Variants in RNF150 observed in about 807,000 individuals in gnomAD.
RNF150 encodes the protein ring finger protein 150.
RNF150 carries 24 observed loss-of-function variants against 39.3 expected under a neutral mutation model. That is an observed-to-expected ratio of 0.61 (90% CI 0.44 to 0.86). The LOEUF (loss-of-function observed/expected upper bound fraction) is 0.86. Among genes scored for constraint, RNF150 ranks in the 40% least tolerant of loss-of-function variants. The probability of loss-of-function intolerance (pLI) is 0.00; values close to 1 mark genes in which losing one functional copy is unlikely to be tolerated. For synonymous variants in RNF150, 255 were observed against 227.3 expected (o/e 1.12, Z -1.10); for missense variants, 502 against 587.8 (o/e 0.85, Z 1.51).
At chr4:141,063,299 A>G (rs755072948) in intron 1 of RNF150, among the ~76,000 whole-genome samples, 3 of 152,224 alleles carry the variant, frequency 2.0e-5, no homozygotes, top group Non-Finnish European at 4.4e-5. Flanking sequence ...AAATAAACAA[A>G]ATTTCAAAGT....
At chr4:140,930,133 C>A (rs565346402) in intron 4 of RNF150, among the ~76,000 whole-genome samples, 91 of 152,220 alleles carry the variant, frequency 6.0e-4, no homozygotes, top group African/African-American at 2.1e-3. Flanking sequence ...TGCACTCCTG[C>A]CTGGGTGACA....
chr4:140,868,526 A>G lies in RNF150; in HGVS notation c.1199-147T>C, dbSNP rs1210594301. 1.0e-5 allele frequency: 6 copies of G among 589,946 alleles called. No individual in the cohort carries two copies. The East Asian group carries it at 1.7e-4, about 17-fold the overall frequency. The allele number at this position is 589,946 out of a possible 1,614,324, so 36.5% of individuals were successfully genotyped here. On this transcript the variant is annotated intron_variant, in intron 6 of 6. Coordinates refer to ENST00000515673, the MANE Select transcript of RNF150 (RefSeq NM_020724.2). ...GGGTATTCTGTAAAAACTCTAGTTA[A>G]AGCCTCATCTCACATGGGCCAAAAA...
intron 1 of RNF150, among the ~76,000 whole-genome samples, chr4:141,077,398 T>C (rs954624364): frequency 1.3e-5 from 2 of 152,208 alleles, no homozygotes; most frequent in African/African-American, 4.8e-5. Flanking sequence ...AGGCTACATA[T>C]GTGACTGCAA....
At chr4:140,871,691 G>A (rs775944075) in intron 6 of RNF150, among the ~76,000 whole-genome samples, 1 of 152,114 alleles carries the variant, frequency 6.6e-6, no homozygotes, top group Non-Finnish European at 1.5e-5. Context: ...GTTCTATAGA[G>A]ACAGAACTCA....
intron 1 of RNF150, among the ~76,000 whole-genome samples, chr4:141,158,014 C>T (rs1162589143): frequency 6.6e-6 from 1 of 152,142 alleles, no homozygotes; most frequent in Non-Finnish European, 1.5e-5. Context: ...TGGGGAAGGC[C>T]AGGCATGGTG....
At chr4:141,195,146 C>T (rs1381642208) in intron 1 of RNF150, among the ~76,000 whole-genome samples, 1 of 151,272 alleles carries the variant, frequency 6.6e-6, no homozygotes, top group Non-Finnish European at 1.5e-5. Context: ...AAGCATAAAC[C>T]CCTCATAAAA....
intron 1 of RNF150, among the ~76,000 whole-genome samples, chr4:141,124,730 A>C (rs912040884): frequency 6.6e-6 from 1 of 152,220 alleles, no homozygotes; most frequent in Admixed American, 6.5e-5. Flanking sequence ...TGCCCATAAA[A>C]AGCCATTTAT....
At chr4:141,004,194 G>A (rs1006431780) in intron 1 of RNF150, among the ~76,000 whole-genome samples, 1 of 151,650 alleles carries the variant, frequency 6.6e-6, no homozygotes, top group Non-Finnish European at 1.5e-5. Flanking sequence ...TACTTTCATG[G>A]GGGTTTAAAC....
chr4:141,117,255 T>C (rs543716406), intron 1 of RNF150, among the ~76,000 whole-genome samples: 1 of 152,358 alleles, frequency 6.6e-6, no homozygotes, highest in African/African-American at 2.4e-5. Context: ...GAAGTGTTTC[T>C]TGTGCAACAC....
intron 1 of RNF150, among the ~76,000 whole-genome samples, chr4:141,159,269 C>G (rs2111154962): frequency 6.6e-6 from 1 of 152,240 alleles, no homozygotes; most frequent in Middle Eastern, 3.4e-3. Flanking sequence ...TTGAAAGTGG[C>G]TTTGGACAAC....
chr4:140,889,593 G>A (rs1054390921), intron 6 of RNF150, among the ~76,000 whole-genome samples: 1 of 152,150 alleles, frequency 6.6e-6, no homozygotes, highest in Non-Finnish European at 1.5e-5. Flanking sequence ...TGGGCGGAAA[G>A]AGAGATTTTT....
At chr4:141,045,678 G>A (rs1025683426) in intron 1 of RNF150, among the ~76,000 whole-genome samples, 20 of 152,084 alleles carry the variant, frequency 1.3e-4, no homozygotes, top group African/African-American at 4.3e-4. Flanking sequence ...TGAGTAGCTC[G>A]GATTACAGGC....
intron 5 of RNF150, among the ~76,000 whole-genome samples, chr4:140,912,083 G>T (rs1223385996): frequency 2.0e-5 from 3 of 152,184 alleles, no homozygotes; most frequent in African/African-American, 7.2e-5. Context: ...AGCTTCCCTT[G>T]AAGAACATAG....
In RNF150 at chr4:140,921,175, T is replaced by TATA. The variant is rs58434636; in HGVS notation, c.987+4799_987+4801dup. Reference sequence around the variant, plus strand: ...TGCACATGTACCCTAAAACTTAAAGTATAATAATAATAATAATAATAATAA... The same window carrying TATA: ...TGCACATGTACCCTAAAACTTAAAGTATAATAATAATAATAATAATAATAATAA... On this transcript the variant is annotated intron_variant, in intron 5 of 6. Coordinates refer to ENST00000515673, the MANE Select transcript of RNF150 (RefSeq NM_020724.2). 7.7e-3 allele frequency among the ~76,000 whole-genome samples: 1,145 copies of TATA among 148,158 alleles called. 17 individuals are homozygous for TATA. Among genetic ancestry groups the TATA allele is most frequent in the African/African-American group, 0.023 (941 of 40,220 alleles).
intron 4 of RNF150, among the ~76,000 whole-genome samples, chr4:140,932,252 C>T (rs1038196043): frequency 6.6e-6 from 1 of 152,218 alleles, no homozygotes; most frequent in Non-Finnish European, 1.5e-5. Flanking sequence ...ATTTGCAAAA[C>T]TGTCAATAAA....
At chr4:141,158,791 A>G (rs761013990) in intron 1 of RNF150, among the ~76,000 whole-genome samples, 3 of 151,656 alleles carry the variant, frequency 2.0e-5, no homozygotes, top group Non-Finnish European at 4.4e-5. Flanking sequence ...AACTATCAGT[A>G]TTTCCTGTGA....
chr4:141,151,851 G>A (rs1727308334), intron 1 of RNF150, among the ~76,000 whole-genome samples: 1 of 152,086 alleles, frequency 6.6e-6, no homozygotes, highest in South Asian at 2.1e-4. Flanking sequence ...ATTATTCACA[G>A]AAAATTTCTT....
At chr4:140,900,331 C>G (rs1390059684) in intron 6 of RNF150, among the ~76,000 whole-genome samples, 1 of 152,122 alleles carries the variant, frequency 6.6e-6, no homozygotes, top group African/African-American at 2.4e-5. Flanking sequence ...GGAATTGACA[C>G]TAATGGGTTG....
chr4:141,105,907 C>T (rs1482074389), intron 1 of RNF150, among the ~76,000 whole-genome samples: 3 of 152,130 alleles, frequency 2.0e-5, no homozygotes, highest in African/African-American at 7.2e-5. Context: ...TCTGACAATA[C>T]TTGCTCAAAA....
Sources: allele counts gnomAD v4.1 joint callset (sites outside exome capture counted in the v4.1 genomes callset), GRCh38; gene constraint gnomAD v4.1.1; transcripts MANE v1.5; gene names NCBI Gene and HGNC (gene_info 2026-07-23, HGNC 2026-07-21).